ZNF507: variants seen among roughly 807,000 people sequenced by gnomAD.
ZNF507 encodes the protein zinc finger protein 507.
A neutral mutation model predicts 80.0 loss-of-function variants in ZNF507; 29 were observed. The observed-to-expected ratio is 0.36, with a 90% CI of 0.27 to 0.49. The LOEUF is 0.49. Ranked by LOEUF, ZNF507 falls within the 20% of genes least tolerant of loss-of-function variation. ZNF507 has a pLI of 0.98. For synonymous variants in ZNF507, 462 were observed against 422.5 expected (o/e 1.09, Z -1.15); for missense variants, 1,081 against 1,152.2 (o/e 0.94, Z 0.90).
At chr19:32,355,781 C>G (rs1220045131) in intron 3 of ZNF507, among the ~76,000 whole-genome samples, 1 of 151,946 alleles carries the variant, frequency 6.6e-6, no homozygotes, top group Admixed American at 6.6e-5. Flanking sequence ...GCGGGCAGAT[C>G]ATGAGGTCAG....
At position 32,382,966 on chromosome 19, in the gene ZNF507, T is replaced by C; in HGVS notation, c.2745T>C (p.Ile915=). Residue 915 remains isoleucine (I), a synonymous_variant, in exon 7 of 7, where the codon ATT becomes ATC. Coordinates refer to ENST00000355898, the MANE Select transcript of ZNF507 (RefSeq NM_001136156.2). ...EYCVLLFCCC[I]CGFESTSKEN... ...GCGTTTTACTCTTCTGCTGTTGTATTTGTGGTTTTGAATCAACCAGCAAAG... is the reference window on the plus strand; with the variant it reads ...GCGTTTTACTCTTCTGCTGTTGTATCTGTGGTTTTGAATCAACCAGCAAAG... The C allele has an allele frequency of 2.5e-6, 4 of 1,614,206 alleles. No homozygotes were observed. In the South Asian group the frequency reaches 4.4e-5, roughly 18 times the overall value.
rs115318835 is a variant in ZNF507 at position 32,357,053 on chromosome 19, C to G, written c.2245+320C>G. 772 of 222,930 alleles carry G rather than the reference C, an allele frequency of 3.5e-3. 9 individuals carry two copies. Among genetic ancestry groups the G allele is most frequent in the African/African-American group, 0.017 (727 of 43,720 alleles). 13.8% of individuals were successfully genotyped at this position (222,930 alleles called of 1,614,324 possible). A position where few individuals can be genotyped will look rare whatever the true frequency, so the allele number is the denominator to read the frequency against. ...GCTACAACATGGAAAACAGGCCTCCCCTCCCTCTCTCGGCACCAGTTGACC... is the reference window on the plus strand; with the variant it reads ...GCTACAACATGGAAAACAGGCCTCCGCTCCCTCTCTCGGCACCAGTTGACC... On this transcript the variant is annotated intron_variant, in intron 4 of 6. Transcript: ENST00000355898.
In ZNF507 at chr19:32,379,364, C is replaced by T. The variant is rs1009943931; in HGVS notation, c.2361-3103C>T. Among the ~76,000 whole-genome samples, 4 of 152,020 alleles carry T rather than the reference C, an allele frequency of 2.6e-5. No individual in the cohort carries two copies. The East Asian group carries it at 5.8e-4, about 22-fold the overall frequency. The stretch of plus-strand genomic sequence containing the variant: ...ATGTAGTGATTTTGTTTTATTATGC[C>T]AGCTGTAATAAAGTCTTAAGGAGAA... On this transcript the variant is annotated intron_variant, in intron 5 of 6. Coordinates refer to ENST00000355898, the MANE Select transcript of ZNF507 (RefSeq NM_001136156.2).
intron 5 of ZNF507, among the ~76,000 whole-genome samples, chr19:32,367,835 G>T (rs1387390394): frequency 6.6e-6 from 1 of 152,172 alleles, no homozygotes; most frequent in African/African-American, 2.4e-5. Flanking sequence ...GTCAGTTATT[G>T]TATGGGATTT....
rs1217343819 is a variant in ZNF507, at chr19:32,387,194, G to A, written c.*4111G>A. 6.6e-6 allele frequency: 1 copy of A among 152,118 alleles called. No individual in the cohort carries two copies. Among genetic ancestry groups the A allele is most frequent in the Non-Finnish European group, 1.5e-5 (1 of 68,034 alleles). 9.4% of individuals were successfully genotyped at this position (152,118 alleles called of 1,614,324 possible). The stretch of plus-strand genomic sequence containing the variant: ...GCTAAAGACTAGTTCTGCTATTGAC[G>A]AAGGAATTAGCATTCCTTAGTGAAG... On this transcript the variant is annotated 3_prime_UTR_variant, in exon 7 of 7. Transcript: ENST00000355898.
intron 5 of ZNF507, among the ~76,000 whole-genome samples, chr19:32,369,959 T>C (rs2145333939): frequency 6.6e-6 from 1 of 152,182 alleles, no homozygotes; most frequent in South Asian, 2.1e-4. Context: ...TGTGTGTGTA[T>C]TGGATTTTTA....
chr19:32,374,445 A>C (rs1341739909), intron 5 of ZNF507, among the ~76,000 whole-genome samples: 1 of 145,906 alleles, frequency 6.9e-6, no homozygotes, highest in South Asian at 2.2e-4. Flanking sequence ...ATTTTCTCAT[A>C]CTTTCCTTTC....
rs1967652665 is a variant in ZNF507, at chr19:32,383,661, TTCCTTTAC to T, written c.*584_*591del. 1 of 152,278 alleles carries T rather than the reference TTCCTTTAC, an allele frequency of 6.6e-6. No individual in the cohort carries two copies. Among genetic ancestry groups the T allele is most frequent in the African/African-American group, 2.4e-5 (1 of 41,460 alleles). 9.4% of individuals were successfully genotyped at this position (152,278 alleles called of 1,614,324 possible). ...TTAATCATACTCAATCTAGGACATG[TTCCTTTAC>T]TCCTTAAAAAAGAAAGGAAAGATCT... On this transcript the variant is annotated 3_prime_UTR_variant, in exon 7 of 7. Transcript: ENST00000355898.
intron 5 of ZNF507, 24 bp from the exon 6 acceptor site, chr19:32,382,443 T>A: frequency 6.2e-7 from 1 of 1,610,884 alleles, no homozygotes; most frequent in Non-Finnish European, 8.5e-7. Context: ...CGTTCTGATT[T>A]TCCCTTGCCT....
chr19:32,359,674 C>G (rs992873852), intron 4 of ZNF507: 1 of 152,194 alleles, frequency 6.6e-6, no homozygotes, highest in South Asian at 2.1e-4. Flanking sequence ...AGTAACATGG[C>G]TACTTTTCGT....
Position 32,354,882 on chromosome 19 carries a change from G to A in ZNF507, c.2052G>A (p.Leu684=), listed in dbSNP as rs368663806. The change falls in exon 3 of 7, where the codon TTG becomes TTA. Residue 684 remains leucine (L), a synonymous_variant. Coordinates refer to ENST00000355898, the MANE Select transcript of ZNF507 (RefSeq NM_001136156.2). ...ACATAGCGGACAACAGCAAAGATTT[G>A]GAGAGTCACATGATCCACCACTGTA... ...CEHIADNSKD[L]ESHMIHHCKT... is the part of the protein sequence containing the mutation. 2.5e-6 allele frequency: 4 copies of A among 1,614,006 alleles called. No individual in the cohort carries two copies. The African/African-American group carries it at 4.0e-5, about 16-fold the overall frequency.
At chr19:32,346,096 C>T (rs1389252572) in intron 1 of ZNF507, among the ~76,000 whole-genome samples, 2 of 152,178 alleles carry the variant, frequency 1.3e-5, no homozygotes, top group Non-Finnish European at 2.9e-5. Context: ...TGTGAGATCG[C>T]TTAGGCCAGC....
At chr19:32,350,069 C>G (rs991284414) in intron 2 of ZNF507, among the ~76,000 whole-genome samples, 11 of 152,106 alleles carry the variant, frequency 7.2e-5, no homozygotes, top group African/African-American at 2.7e-4. Flanking sequence ...ATTTGCTTCA[C>G]TTGACACACA....
chr19:32,346,586 C>T (rs900184784), intron 1 of ZNF507, among the ~76,000 whole-genome samples: 4 of 152,212 alleles, frequency 2.6e-5, no homozygotes, highest in African/African-American at 9.6e-5. Flanking sequence ...CATTCCTTTA[C>T]CTCACTAACT....
chr19:32,351,327 A>G (rs974604404), intron 2 of ZNF507, among the ~76,000 whole-genome samples: 1 of 152,060 alleles, frequency 6.6e-6, no homozygotes, highest in Admixed American at 6.5e-5. Flanking sequence ...CTAGATCTAG[A>G]AAGCTGGCTT....
In ZNF507 at chr19:32,354,128, T is replaced by A; in HGVS notation, c.1298T>A (p.Ile433Asn). 6.2e-7 allele frequency: 1 copy of A among 1,613,416 alleles called. No individual in the cohort carries two copies. Among genetic ancestry groups the A allele is most frequent in the Non-Finnish European group, 8.5e-7 (1 of 1,180,018 alleles). The change falls in exon 3 of 7, where the codon ATT (isoleucine) becomes AAT (asparagine). Residue 433 changes from isoleucine (I) to asparagine (N), a missense_variant. This residue lies in a region of ZNF507 where 614 missense variants were observed against 583.9 expected (regional missense o/e 1.05). Transcript: ENST00000355898. ...GACCTGAGCCTGACAGAAGCTCAGA[T>A]TGGGCGCGAAGGAATGGATGATGTT... is the stretch of plus-strand genomic sequence containing the variant. Reference protein sequence around the residue: ...GKDLSLTEAQIGREGMDDVYR... With the variant: ...GKDLSLTEAQNGREGMDDVYR...
intron 5 of ZNF507, among the ~76,000 whole-genome samples, chr19:32,380,393 A>G (rs1967608284): frequency 6.6e-6 from 1 of 151,982 alleles, no homozygotes; most frequent in African/African-American, 2.4e-5. Context: ...ATTGCCTGTT[A>G]AGTGGGCTGG....
intron 2 of ZNF507, 78 bp from the exon 3 acceptor site, chr19:32,352,751 T>G: frequency 1.6e-6 from 2 of 1,289,574 alleles, no homozygotes; most frequent in Non-Finnish European, 2.1e-6. Flanking sequence ...ACACTAACAT[T>G]CTCTTATATT....
At chr19:32,364,339 A>G (rs1967368208) in intron 5 of ZNF507, among the ~76,000 whole-genome samples, 1 of 151,912 alleles carries the variant, frequency 6.6e-6, no homozygotes, top group African/African-American at 2.4e-5. Context: ...TCTTTTTTAA[A>G]TTTTATTTTT....
Sources: gnomAD v4.1 joint callset for allele counts (sites outside exome capture counted in the v4.1 genomes callset) on GRCh38, gnomAD v4.1.1 for gene constraint, gnomAD v4.1.1 regional missense constraint, MANE v1.5 for transcripts, NCBI Gene and HGNC (gene_info 2026-07-23, HGNC 2026-07-21) for gene names.